Variants in N4BP2L2 observed in about 807,000 individuals in gnomAD.
N4BP2L2 encodes the protein NEDD4-binding protein 2-like 2.
In N4BP2L2, 50 loss-of-function variants were observed where a neutral mutation model predicts 56.2. That is an observed-to-expected ratio of 0.89 (90% CI 0.71 to 1.13). The LOEUF (loss-of-function observed/expected upper bound fraction) is 1.13, where lower values mean the gene tolerates loss of function less well. N4BP2L2 is among the 50% of genes most tolerant of loss of function. N4BP2L2 has a pLI of 0.00. For synonymous variants in N4BP2L2, 203 were observed against 223.6 expected (o/e 0.91, Z 0.82); for missense variants, 689 against 693.8 (o/e 0.99, Z 0.08).
At chr13:32,538,070 TGG>T (rs34075107) in intron 1 of N4BP2L2, among the ~76,000 whole-genome samples, 752 of 64,796 alleles carry the variant, frequency 0.012, 29 homozygotes, top group Middle Eastern at 0.022. Flanking sequence ...GACCCCGTCT[TGG>T]GGGGGGGGGG....
intron 6 of N4BP2L2, among the ~76,000 whole-genome samples, chr13:32,476,743 A>G (rs1364910427): frequency 6.6e-6 from 1 of 152,216 alleles, no homozygotes; most frequent in Admixed American, 6.5e-5. Flanking sequence ...AGTACTGTGG[A>G]TATACAGCAT....
chr13:32,446,781 A>G (rs952859635), intron 6 of N4BP2L2, among the ~76,000 whole-genome samples: 8 of 152,242 alleles, frequency 5.3e-5, no homozygotes, highest in Admixed American at 5.2e-4. Context: ...TGGCTTTTAA[A>G]AAAAGATGTT....
At position 32,485,145 on chromosome 13, in the gene N4BP2L2, T is replaced by TTTTG. The variant is rs566304451; in HGVS notation, c.365+32708_365+32711dup. On this transcript the variant is annotated intron_variant, in intron 6 of 9. Transcript: ENST00000357505. The stretch of plus-strand genomic sequence containing the variant: ...TCCTTTATTCTCACCTTCCTTGTTA[T>TTTTG]TTTGTTTGTTACTGAAAATGGTATA... 2.3e-4 allele frequency among the ~76,000 whole-genome samples: 35 copies of TTTTG among 152,364 alleles called. No homozygotes were observed. In the East Asian group the frequency reaches 6.4e-3, roughly 28 times the overall value.
chr13:32,433,370 C>T (rs1216158239), intron 9 of N4BP2L2, among the ~76,000 whole-genome samples: 2 of 152,376 alleles, frequency 1.3e-5, no homozygotes, highest in African/African-American at 2.4e-5. Context: ...ATGGCTCACG[C>T]CTGTAATCCC....
chr13:32,457,401 G>A (rs1323781565), intron 6 of N4BP2L2, among the ~76,000 whole-genome samples: 1 of 152,092 alleles, frequency 6.6e-6, no homozygotes, highest in Non-Finnish European at 1.5e-5. Context: ...CCAAATAGAT[G>A]TAACTCAAAA....
chr13:32,444,560 C>T (rs1197040015), intron 6 of N4BP2L2, among the ~76,000 whole-genome samples: 1 of 152,188 alleles, frequency 6.6e-6, no homozygotes, highest in African/African-American at 2.4e-5. Context: ...AGCCACTGCG[C>T]TGGCCATACT....
intron 6 of N4BP2L2, among the ~76,000 whole-genome samples, chr13:32,449,376 T>C (rs1386556193): frequency 6.6e-6 from 1 of 152,234 alleles, no homozygotes; most frequent in Non-Finnish European, 1.5e-5. Context: ...TCATATTGCT[T>C]TGAATATTTC....
chr13:32,511,828 AAT>A (rs1200336057), exon 6 of N4BP2L2: 1 of 152,156 alleles, frequency 6.6e-6, no homozygotes, highest in African/African-American at 2.4e-5. Flanking sequence ...AAGAAAAAGA[AAT>A]ATGATTTCTA....
chr13:32,434,248 C>CTTTTTTTTTTTTTTTTTT (rs369328452), intron 9 of N4BP2L2, among the ~76,000 whole-genome samples: 4 of 112,038 alleles, frequency 3.6e-5, no homozygotes, highest in Non-Finnish European at 5.3e-5. Context: ...AGCTAATTTT[C>CTTTTTTTTTTTTTTTTTT]TTTTTTTCTT....
chr13:32,443,151 T>C, exon 7 of N4BP2L2: 3 of 1,613,932 alleles, frequency 1.9e-6, no homozygotes, highest in Non-Finnish European at 2.5e-6. Flanking sequence ...TGAAGAGGTT[T>C]GTTTCTATGA....
chr13:32,528,503 C>A (rs1429799455), intron 2 of N4BP2L2, among the ~76,000 whole-genome samples: 3 of 152,168 alleles, frequency 2.0e-5, no homozygotes. Context: ...CTTAAATTGA[C>A]AAGTACAGCA....
intron 6 of N4BP2L2, chr13:32,446,259 C>T: frequency 1.3e-6 from 1 of 751,628 alleles, no homozygotes; most frequent in South Asian, 1.6e-5. Context: ...CTAAGGAACA[C>T]TAATGTACCT....
chr13:32,492,986 G>A (rs979538686), intron 6 of N4BP2L2, among the ~76,000 whole-genome samples: 3 of 138,406 alleles, frequency 2.2e-5, no homozygotes, highest in Non-Finnish European at 4.6e-5. Flanking sequence ...GCTGTGGTAC[G>A]ATCTCAGCTC....
At chr13:32,475,001 G>A (rs1351389457) in intron 6 of N4BP2L2, among the ~76,000 whole-genome samples, 3 of 152,098 alleles carry the variant, frequency 2.0e-5, no homozygotes, top group Non-Finnish European at 4.4e-5. Context: ...ATTAAAAAGT[G>A]TCACTTAGCA....
At chr13:32,516,282 T>C (rs1232194762) in exon 6 of N4BP2L2, 1 of 152,244 alleles carries the variant, frequency 6.6e-6, no homozygotes, top group Non-Finnish European at 1.5e-5. Context: ...GTATACAATA[T>C]ACATTTACAC....
intron 6 of N4BP2L2, among the ~76,000 whole-genome samples, chr13:32,461,604 C>CTAT (rs1195883354): frequency 2.0e-5 from 3 of 151,996 alleles, no homozygotes; most frequent in Non-Finnish European, 4.4e-5. Context: ...GTTAGAATGG[C>CTAT]TATTATTATT....
intron 6 of N4BP2L2, chr13:32,504,782 C>T (rs1198002970): frequency 1.3e-5 from 2 of 152,126 alleles, no homozygotes; most frequent in African/African-American, 4.8e-5. Context: ...CACCCTGAGG[C>T]AAAATTCTTC....
rs575431981 is a variant in N4BP2L2, at chr13:32,538,075, G to GC, written c.-1+542_-1+543insG. On this transcript the variant is annotated intron_variant, in intron 1 of 5. Transcript: ENST00000267068. ...GACAGAGGGAGACCCCGTCTTGGGG[G>GC]GGGGGGGCGGTTACTTCCCCTGAAA... Among the ~76,000 whole-genome samples the GC allele has an allele frequency of 1.7e-3, 234 of 139,090 alleles. 4 individuals carry two copies. Among genetic ancestry groups the GC allele is most frequent in the Non-Finnish European group, 2.9e-3 (181 of 63,408 alleles). 91.2% of individuals were successfully genotyped at this position (139,090 alleles called of 152,430 possible). A position where few individuals can be genotyped will look rare whatever the true frequency, so the allele number is the denominator to read the frequency against.
intron 6 of N4BP2L2, among the ~76,000 whole-genome samples, chr13:32,464,502 A>T (rs1331271145): frequency 6.6e-6 from 1 of 152,206 alleles, no homozygotes; most frequent in Admixed American, 6.5e-5. Flanking sequence ...GAGAAGCCTC[A>T]ACAGCACAAT....
Sources: allele counts gnomAD v4.1 joint callset (sites outside exome capture counted in the v4.1 genomes callset), GRCh38; gene constraint gnomAD v4.1.1; transcripts MANE v1.5; gene names NCBI Gene and HGNC (gene_info 2026-07-23, HGNC 2026-07-21).